Variants in HPSE2 observed in about 807,000 individuals in gnomAD.
The protein encoded by HPSE2 is heparanase 2 (inactive).
In HPSE2, 38 loss-of-function variants were observed where a neutral mutation model predicts 60.5. That is an observed-to-expected ratio of 0.63 (90% CI 0.48 to 0.82). HPSE2 has a LOEUF of 0.82. HPSE2 is among the 40% of genes least tolerant of loss of function. The probability of loss-of-function intolerance (pLI) is 0.00; values close to 1 mark genes in which losing one functional copy is unlikely to be tolerated. For synonymous variants in HPSE2, 295 were observed against 293.2 expected (o/e 1.01, Z -0.06); for missense variants, 713 against 740.4 (o/e 0.96, Z 0.43).
chr10:99,063,821 A>C (rs1295920158), intron 3 of HPSE2, among the ~76,000 whole-genome samples: 72 of 152,202 alleles, frequency 4.7e-4, no homozygotes, highest in Non-Finnish European at 2.6e-4. Flanking sequence ...GGCCGGGCGC[A>C]GTGGCTTACA....
intron 5 of HPSE2, among the ~76,000 whole-genome samples, chr10:98,698,169 C>T (rs1229743220): frequency 6.3e-5 from 9 of 142,514 alleles, no homozygotes; most frequent in Admixed American, 2.9e-4. Context: ...CTCTCCACCC[C>T]AAATCAACAG....
chr10:98,932,322 C>T (rs754045327), intron 3 of HPSE2, among the ~76,000 whole-genome samples: 1 of 144,122 alleles, frequency 6.9e-6, no homozygotes, highest in Non-Finnish European at 1.5e-5. Context: ...ATAAAACCGA[C>T]CTGATCATGG....
chr10:98,511,666 C>G (rs564456935), intron 9 of HPSE2, among the ~76,000 whole-genome samples: 11 of 151,208 alleles, frequency 7.3e-5, no homozygotes, highest in African/African-American at 2.4e-4. Flanking sequence ...TTCTTGAGAT[C>G]AGGGCCTGTA....
At chr10:99,174,152 C>T (rs971931226) in intron 2 of HPSE2, among the ~76,000 whole-genome samples, 1 of 152,094 alleles carries the variant, frequency 6.6e-6, no homozygotes, top group Admixed American at 6.6e-5. Flanking sequence ...TTTATTTTGT[C>T]CTCTTTGGCT....
rs202148456 is a variant in HPSE2, at chr10:98,699,019, AG to A, written c.957-5073del. On this transcript the variant is annotated intron_variant, in intron 5 of 11. Transcript: ENST00000370552. ...AATCAATAGCTTACCAAACAAAAAG[AG>A]TCCAGGACCAGATGGATTCACAGCC... is the stretch of plus-strand genomic sequence containing the variant. Among the ~76,000 whole-genome samples, 14 of 152,260 alleles carry A rather than the reference AG, an allele frequency of 9.2e-5. No individual in the cohort carries two copies. The East Asian group carries it at 2.7e-3, about 29-fold the overall frequency.
chr10:98,615,172 C>G (rs965599339), intron 8 of HPSE2, among the ~76,000 whole-genome samples, 154 bp from the exon 9 acceptor site: 1 of 152,144 alleles, frequency 6.6e-6, no homozygotes, highest in Non-Finnish European at 1.5e-5. Flanking sequence ...GCATTAAGTT[C>G]ACAGCTGTAA....
rs528704569 is a variant in HPSE2, at chr10:98,792,659, C to G, written c.611-48603G>C. Among the ~76,000 whole-genome samples the G allele has an allele frequency of 2.7e-5, 4 of 147,414 alleles. No homozygotes were observed. The East Asian group carries it at 7.9e-4, about 29-fold the overall frequency. On this transcript the variant is annotated intron_variant, in intron 3 of 11. Transcript: ENST00000370552. ...TTCCTACAAAAAAAAAAAAAAAACA[C>G]GAAGAATGGAAAATGGTTCCTGCCA...
the HPSE2 span, among the ~76,000 whole-genome samples, chr10:99,305,969 G>GCACACACACACACACA: frequency 3.5e-4 from 18 of 50,916 alleles, no homozygotes; most frequent in South Asian, 1.2e-3. Flanking sequence ...ACACGCGCGC[G>GCACACACACACACACA]CGCGCGCGCG....
At chr10:99,234,497 G>A (rs751614404) in intron 1 of HPSE2, among the ~76,000 whole-genome samples, 18 of 152,336 alleles carry the variant, frequency 1.2e-4, no homozygotes, top group South Asian at 6.2e-4. Context: ...GCTCCAACTT[G>A]TAGGGAATTT....
At chr10:98,679,502 T>C (rs695189) in intron 6 of HPSE2, among the ~76,000 whole-genome samples, 136,474 of 151,982 alleles carry the variant, frequency 0.9, 62,444 homozygotes, top group Non-Finnish European at 1. Context: ...TTGGAGTATA[T>C]GTATATATGT....
At chr10:98,965,598 A>G (rs1370029399) in intron 3 of HPSE2, among the ~76,000 whole-genome samples, 1 of 152,076 alleles carries the variant, frequency 6.6e-6, no homozygotes, top group Non-Finnish European at 1.5e-5. Flanking sequence ...CCAAACAGAA[A>G]TTCTTCCATT....
chr10:98,888,430 G>A (rs1021765626), intron 3 of HPSE2, among the ~76,000 whole-genome samples: 1 of 152,006 alleles, frequency 6.6e-6, no homozygotes, highest in Non-Finnish European at 1.5e-5. Flanking sequence ...CCTAATTTTT[G>A]TACTAGGAAA....
chr10:99,022,834 C>T (rs776280270), intron 3 of HPSE2, among the ~76,000 whole-genome samples: 1 of 152,142 alleles, frequency 6.6e-6, no homozygotes, highest in Non-Finnish European at 1.5e-5. Context: ...CCCTGAATAA[C>T]TAGCAGCGAT....
chr10:98,519,311 A>G (rs1225712251), intron 9 of HPSE2, among the ~76,000 whole-genome samples: 1 of 152,238 alleles, frequency 6.6e-6, no homozygotes, highest in Non-Finnish European at 1.5e-5. Context: ...CACAGCCAGG[A>G]AAGTCTCTGT....
At chr10:99,286,145 G>C in the HPSE2 span, among the ~76,000 whole-genome samples, 2 of 152,128 alleles carry the variant, frequency 1.3e-5, no homozygotes, top group African/African-American at 4.8e-5. Flanking sequence ...TTACACAGCT[G>C]CTGTGGAAAC....
intron 2 of HPSE2, among the ~76,000 whole-genome samples, chr10:99,196,898 A>G (rs189554807): frequency 1.4e-4 from 21 of 152,326 alleles, no homozygotes; most frequent in Non-Finnish European, 2.6e-4. Flanking sequence ...GCAAATCAGT[A>G]TATCAAAGAG....
At chr10:99,233,166 C>A (rs1479667684) in intron 1 of HPSE2, among the ~76,000 whole-genome samples, 2 of 152,082 alleles carry the variant, frequency 1.3e-5, no homozygotes, top group Non-Finnish European at 2.9e-5. Flanking sequence ...CCAGGGTAAA[C>A]CCTCGCCTTT....
At chr10:99,083,111 C>A (rs1843201745) in intron 3 of HPSE2, among the ~76,000 whole-genome samples, 1 of 152,080 alleles carries the variant, frequency 6.6e-6, no homozygotes, top group Non-Finnish European at 1.5e-5. Context: ...TCAAAAGCAA[C>A]CAGACATGTT....
At position 98,667,889 on chromosome 10, in the gene HPSE2, T is replaced by C. The variant is rs12569479; in HGVS notation, c.1005-25949A>G. 1.0e-3 allele frequency among the ~76,000 whole-genome samples: 156 copies of C among 152,296 alleles called. 2 individuals are homozygous for C. The East Asian group carries it at 0.029, about 28-fold the overall frequency. On this transcript the variant is annotated intron_variant, in intron 6 of 11. Transcript: ENST00000370552. ...TGGAACAAGACGAGGATGCCCACTC[T>C]TAGCATTTCTATTCAACATGGTATT...
Sources: gnomAD v4.1 joint callset for allele counts (sites outside exome capture counted in the v4.1 genomes callset) on GRCh38, gnomAD v4.1.1 for gene constraint, MANE v1.5 for transcripts, NCBI Gene and HGNC (gene_info 2026-07-23, HGNC 2026-07-21) for gene names.